The following DNMBP variants were observed in gnomAD, a reference collection of about 807,000 sequenced individuals.
The protein encoded by DNMBP is dynamin-binding protein.
In DNMBP, 87 loss-of-function variants were observed where a neutral mutation model predicts 150.0. The ratio of observed to expected loss-of-function variants is 0.58; its 90% CI spans 0.49 to 0.69. DNMBP has a LOEUF of 0.69. DNMBP is among the 30% of genes least tolerant of loss of function. The probability of loss-of-function intolerance (pLI) is 0.00; values close to 1 mark genes in which losing one functional copy is unlikely to be tolerated. For missense variants in DNMBP, 1,774 were observed against 1,949.0 expected (o/e 0.91, Z 1.69); for synonymous variants, 711 against 750.4 (o/e 0.95, Z 0.86).
chr10:99,987,423 T>C (rs988029468), intron 1 of DNMBP, among the ~76,000 whole-genome samples: 1 of 152,058 alleles, frequency 6.6e-6, no homozygotes, highest in Admixed American at 6.6e-5. Context: ...GTAGCTGGGA[T>C]AAGATAAGAG....
chr10:99,918,574 C>CTTT (rs71009786), intron 4 of DNMBP, among the ~76,000 whole-genome samples: 12 of 137,916 alleles, frequency 8.7e-5, no homozygotes, highest in African/African-American at 3.0e-4. Flanking sequence ...TCTGCAACTT[C>CTTT]TTTTTTTTTT....
chr10:99,888,592 ATTAATCACAAGC>A (rs2039507304), intron 12 of DNMBP, among the ~76,000 whole-genome samples: 1 of 151,506 alleles, frequency 6.6e-6, no homozygotes, highest in Non-Finnish European at 1.5e-5. Context: ...CTGAAACTAA[ATTAATCACAAGC>A]TATTTTTTAA....
chr10:99,884,209 G>T lies in DNMBP; in HGVS notation c.3799C>A (p.Pro1267Thr), dbSNP rs1286336259. 6.2e-7 allele frequency: 1 copy of T among 1,611,852 alleles called. No individual in the cohort carries two copies. Among genetic ancestry groups the T allele is most frequent in the East Asian group, 2.2e-5 (1 of 44,842 alleles). ...TCTTCTGACTGTAGCATGTAACTTG[G>T]CTGAAAGGTAAGACGTTAACAAAAA... ...QSARKPLLGL[P>T]SYMLQSEELR... Residue 1267 changes from proline to threonine, a missense_variant and splice_region_variant, in exon 15 of 17, where the codon CCA becomes ACA. Coordinates refer to ENST00000324109, the MANE Select transcript of DNMBP (RefSeq NM_015221.4).
chr10:99,985,570 T>C (rs987681004), intron 1 of DNMBP, among the ~76,000 whole-genome samples: 5 of 152,062 alleles, frequency 3.3e-5, no homozygotes, highest in Non-Finnish European at 5.9e-5. Context: ...TCCACGAGCA[T>C]CCTTATGTCT....
chr10:99,973,186 C>T (rs1287520779), intron 1 of DNMBP, among the ~76,000 whole-genome samples: 3 of 152,174 alleles, frequency 2.0e-5, no homozygotes, highest in African/African-American at 7.2e-5. Flanking sequence ...CTGCTTTGGC[C>T]TCCCAAAGTG....
At chr10:99,972,998 T>C (rs1196237042) in intron 1 of DNMBP, among the ~76,000 whole-genome samples, 1 of 152,140 alleles carries the variant, frequency 6.6e-6, no homozygotes, top group Non-Finnish European at 1.5e-5. Context: ...GCCAGGCTCA[T>C]CTCAAACTCC....
chr10:99,936,521 T>C (rs1383687089), intron 4 of DNMBP, among the ~76,000 whole-genome samples: 1 of 147,266 alleles, frequency 6.8e-6, no homozygotes, highest in Non-Finnish European at 1.5e-5. Context: ...TTTTCTTTTT[T>C]TTTTTTTTTT....
intron 3 of DNMBP, among the ~76,000 whole-genome samples, chr10:99,962,045 C>T (rs2040570413): frequency 6.6e-6 from 1 of 151,178 alleles, no homozygotes. Flanking sequence ...ACTGTCTCTC[C>T]ATCTGAAACC....
intron 4 of DNMBP, among the ~76,000 whole-genome samples, chr10:99,921,705 A>AT (rs1454282401): frequency 6.6e-6 from 1 of 151,296 alleles, no homozygotes; most frequent in Non-Finnish European, 1.5e-5. Flanking sequence ...AAAAAAAAAA[A>AT]ATACAAAAAC....
chr10:99,949,655 T>C (rs1320027194), intron 4 of DNMBP, among the ~76,000 whole-genome samples: 1 of 152,162 alleles, frequency 6.6e-6, no homozygotes, highest in Non-Finnish European at 1.5e-5. Flanking sequence ...AATACTGTAT[T>C]TGGTGGATTC....
At chr10:99,899,105 C>T (rs189130793) in intron 7 of DNMBP, among the ~76,000 whole-genome samples, 227 of 152,018 alleles carry the variant, frequency 1.5e-3, no homozygotes, top group African/African-American at 5.1e-3. Flanking sequence ...GGCAGGGGAT[C>T]GCTTGAACCC....
At chr10:100,003,077 C>T (rs560067321) in intron 1 of DNMBP, among the ~76,000 whole-genome samples, 14 of 152,286 alleles carry the variant, frequency 9.2e-5, no homozygotes, top group Middle Eastern at 3.4e-3. Flanking sequence ...GGGCTGGGCA[C>T]GGTGGCTCAG....
At chr10:99,885,403 G>C (rs2039440857) in intron 14 of DNMBP, among the ~76,000 whole-genome samples, 1 of 152,096 alleles carries the variant, frequency 6.6e-6, no homozygotes, top group Non-Finnish European at 1.5e-5. Context: ...CCAGCTACTT[G>C]GGAGGCTGAA....
At chr10:99,891,945 C>T (rs368318323) in intron 11 of DNMBP, among the ~76,000 whole-genome samples, 14,610 of 139,536 alleles carry the variant, frequency 0.1, 836 homozygotes, top group African/African-American at 0.23. Context: ...CCCGGCCAGC[C>T]GCCCCGTCCG....
intron 4 of DNMBP, among the ~76,000 whole-genome samples, chr10:99,925,171 T>C (rs11816530): frequency 0.07 from 10,613 of 152,124 alleles, 790 homozygotes; most frequent in East Asian, 0.34. Context: ...ACCTAACACT[T>C]TTCTGATATT....
At chr10:99,896,692 A>G (rs7090333) in intron 9 of DNMBP, among the ~76,000 whole-genome samples, 68,006 of 152,044 alleles carry the variant, frequency 0.45, 15,452 homozygotes, top group African/African-American at 0.47. Context: ...GTATGGCATT[A>G]AATCAGTCAT....
chr10:99,998,541 C>A (rs549898781), intron 1 of DNMBP, among the ~76,000 whole-genome samples: 61 of 142,674 alleles, frequency 4.3e-4, no homozygotes, highest in Non-Finnish European at 7.9e-4. Context: ...GATCACACCA[C>A]TGCACTCCAG....
In DNMBP at chr10:99,956,837, T is replaced by G; in HGVS notation, c.637A>C (p.Ser213Arg). Reference sequence around the variant, plus strand: ...ATGCAGTCATCTTGATTTCCAGAACTTACTGACTCATCCACAGTCCTCAGG... The same window carrying G: ...ATGCAGTCATCTTGATTTCCAGAACGTACTGACTCATCCACAGTCCTCAGG... ...GPLRTVDESV[S>R]SGNQDDCIVN... The change falls in exon 4 of 17, where the codon AGT becomes CGT. Residue 213 changes from serine (S) to arginine (R), a missense_variant. Ser to Arg is a moderately radical substitution (Grantham distance 110). Coordinates refer to ENST00000324109, the MANE Select transcript of DNMBP (RefSeq NM_015221.4). 6.2e-7 allele frequency: 1 copy of G among 1,614,100 alleles called. No individual in the cohort carries two copies. The highest frequency in any genetic ancestry group is 8.5e-7 in the Non-Finnish European group (1 of 1,180,018).
intron 1 of DNMBP, among the ~76,000 whole-genome samples, chr10:99,990,680 TAC>T (rs1409912800): frequency 3.3e-5 from 5 of 149,430 alleles, no homozygotes; most frequent in African/African-American, 1.2e-4. Context: ...TATACATATA[TAC>T]ACACATATAT....
Sources: allele counts gnomAD v4.1 joint callset (sites outside exome capture counted in the v4.1 genomes callset), GRCh38; gene constraint gnomAD v4.1.1; transcripts MANE v1.5; gene names NCBI Gene and HGNC (gene_info 2026-07-23, HGNC 2026-07-21).